ZAN: variants seen among roughly 807,000 people sequenced by gnomAD.
ZAN encodes zonadhesin, also known as zonadhesin (gene/pseudogene).
In ZAN, 260 loss-of-function variants were observed where a neutral mutation model predicts 286.2. The ratio of observed to expected loss-of-function variants is 0.91; its 90% CI spans 0.82 to 1.01. The LOEUF (loss-of-function observed/expected upper bound fraction) is 1.01, where lower values mean the gene tolerates loss of function less well. Ranked by LOEUF, ZAN falls within the 50% of genes least tolerant of loss-of-function variation. ZAN has a pLI of 0.00. For missense variants in ZAN, 3,410 were observed against 3,639.2 expected (o/e 0.94, Z 1.62); for synonymous variants, 1,368 against 1,417.5 (o/e 0.97, Z 0.79).
intron 2 of ZAN, among the ~76,000 whole-genome samples, chr7:100,734,463 C>T (rs1185253444): frequency 1.4e-5 from 2 of 139,064 alleles, no homozygotes; most frequent in Non-Finnish European, 3.2e-5. Context: ...ACTAAAAATA[C>T]AAAAAATTAG....
rs749780554 is a variant in ZAN at position 100,765,365 on chromosome 7, G to C, written c.4281G>C (p.Pro1427=). Residue 1427 remains proline (P), a synonymous_variant, in exon 23 of 48, where the codon CCG becomes CCC. Coordinates refer to ENST00000613979, the MANE Select transcript of ZAN (RefSeq NM_003386.3). Reference sequence around the variant, plus strand: ...TCCCTCCACCAGCAATGGCCTGCCCGCCCAACAGCAAGTACTCCCTGTGTG... The same window carrying C: ...TCCCTCCACCAGCAATGGCCTGCCCCCCCAACAGCAAGTACTCCCTGTGTG... ...REPHFCPMAC[P]PNSKYSLCAK... is the part of the protein sequence containing the mutation. 3.1e-6 allele frequency: 5 copies of C among 1,613,750 alleles called. No homozygotes were observed. The highest frequency in any genetic ancestry group is 2.2e-5 in the East Asian group (1 of 44,862).
chr7:100,744,729 G>A (rs1808064661), intron 7 of ZAN, among the ~76,000 whole-genome samples: 1 of 151,588 alleles, frequency 6.6e-6, no homozygotes, highest in Admixed American at 6.6e-5. Context: ...GCGCCCAGCA[G>A]CTTCAGTAAA....
intron 28 of ZAN, 64 bp downstream of exon 28, chr7:100,770,038 A>G (rs946590864): frequency 1.4e-6 from 2 of 1,460,796 alleles, no homozygotes; most frequent in Non-Finnish European, 1.9e-6. Context: ...GAGGGAGTCT[A>G]GTCAGGGAGG....
At chr7:100,735,273 A>G (rs926490268) in intron 2 of ZAN, among the ~76,000 whole-genome samples, 2 of 139,146 alleles carry the variant, frequency 1.4e-5, no homozygotes, top group African/African-American at 5.3e-5. Context: ...AACAACAACA[A>G]AAAACAGAGG....
chr7:100,738,945 C>T (rs368259011), intron 7 of ZAN, among the ~76,000 whole-genome samples: 6 of 5,412 alleles, frequency 1.1e-3, no homozygotes, highest in Admixed American at 8.2e-3. Context: ...CTCCCTCTCC[C>T]TCTCCCTCTC....
At chr7:100,789,829 CAGCTACTTGGGATGCTGAG>C (rs1811819946) in intron 39 of ZAN, among the ~76,000 whole-genome samples, 1 of 152,046 alleles carries the variant, frequency 6.6e-6, no homozygotes, top group African/African-American at 2.4e-5. Flanking sequence ...CCTGTAATCC[CAGCTACTTGGGATGCTGAG>C]GCAGGAGAAT....
intron 19 of ZAN, 46 bp downstream of exon 19, chr7:100,760,582 CTCTTCCTGCTGCCTCT>C (rs747732067): frequency 1.5e-5 from 24 of 1,601,604 alleles, no homozygotes; most frequent in South Asian, 3.3e-5. Context: ...TTCCTGCTGC[CTCTTCCTGCTGCCTCT>C]TCTTCCTGCT....
Position 100,768,673 on chromosome 7 carries a change from C to A in ZAN, c.5105C>A (p.Ser1702Tyr), listed in dbSNP as rs1481339226. The A allele has an allele frequency of 1.2e-6, 2 of 1,609,598 alleles. No individual in the cohort carries two copies. The highest frequency in any genetic ancestry group is 1.7e-5 in the Admixed American group (1 of 59,390). ...CCCGACAGAAAGCTTGCAGGCGATT[C>A]CATGCAGCTGGGGGCCGCCTGGAAG... ...LRPDRKLAGD[S>Y]MQLGAAWKLP... The change falls in exon 27 of 48, where the codon TCC becomes TAC. Residue 1702 changes from serine (S) to tyrosine (Y), a missense_variant. This residue lies in a region of ZAN where 1,042 missense variants were observed against 1,058.0 expected (regional missense o/e 0.98). Coordinates refer to ENST00000613979, the MANE Select transcript of ZAN (RefSeq NM_003386.3).
At chr7:100,788,407 CT>C (rs1811719323) in intron 38 of ZAN, among the ~76,000 whole-genome samples, 2 of 152,078 alleles carry the variant, frequency 1.3e-5, no homozygotes, top group Admixed American at 1.3e-4. Context: ...TTAAAATGAG[CT>C]GGATATGGGG....
chr7:100,770,046 A>T, intron 28 of ZAN, 72 bp downstream of exon 28: 1 of 1,421,492 alleles, frequency 7.0e-7, no homozygotes, highest in South Asian at 1.3e-5. Context: ...CTAGTCAGGG[A>T]GGGAGAAACA....
intron 36 of ZAN, 75 bp from the exon 37 acceptor site, chr7:100,785,922 G>A (rs2116278180): frequency 4.6e-6 from 7 of 1,520,380 alleles, no homozygotes; most frequent in Middle Eastern, 2.0e-4. Flanking sequence ...GCCTCCCAAA[G>A]TGTTGGGATT....
At chr7:100,735,011 C>T (rs1296818498) in intron 2 of ZAN, among the ~76,000 whole-genome samples, 1 of 138,308 alleles carries the variant, frequency 7.2e-6, no homozygotes, top group Non-Finnish European at 1.6e-5. Flanking sequence ...ATGGTGAAAC[C>T]CTGTCTCTAC....
intron 47 of ZAN, 27 bp from the exon 48 acceptor site, chr7:100,797,680 T>C (rs542017821): frequency 1.2e-6 from 2 of 1,613,996 alleles, no homozygotes; most frequent in Admixed American, 3.3e-5. Context: ...TCTCCTCTCA[T>C]ACATGGTTTT....
chr7:100,749,651 A>AAAT lies in ZAN; in HGVS notation c.1250-973_1250-972insATA, dbSNP rs1360254873. On this transcript the variant is annotated intron_variant, in intron 11 of 47. Transcript: ENST00000613979. ...TGAGACTCCGTCTCAAAAAAAAAAA[A>AAAT]ATATATATATATATATATATATATA... Among the ~76,000 whole-genome samples, 936 of 109,358 alleles carry AAAT rather than the reference A, an allele frequency of 8.6e-3. 14 individuals are homozygous for AAAT. Among genetic ancestry groups the AAAT allele is most frequent in the African/African-American group, 0.019 (513 of 27,640 alleles). The allele number at this position is 109,358 out of a possible 152,430, so 71.7% of individuals were successfully genotyped here.
At chr7:100,796,356 T>C (rs1338777177) in intron 45 of ZAN, among the ~76,000 whole-genome samples, 2 of 151,848 alleles carry the variant, frequency 1.3e-5, no homozygotes. Flanking sequence ...CTTGTGTACA[T>C]GTATATTCCA....
chr7:100,751,784 C>A lies in ZAN; in HGVS notation c.1679C>A (p.Thr560Lys). Reference sequence around the variant, plus strand: ...GGCCCTTCTGAAACCACTGGCCTCACAGAAAACCCTACAATCTCCACCAAG... The same window carrying A: ...GGCCCTTCTGAAACCACTGGCCTCAAAGAAAACCCTACAATCTCCACCAAG... ...STGPSETTGL[T>K]ENPTISTKKP... The change falls in exon 14 of 48, where the codon ACA becomes AAA. Residue 560 changes from threonine (T) to lysine (K), a missense_variant. Thr to Lys is a moderately conservative substitution (Grantham distance 78). Coordinates refer to ENST00000613979, the MANE Select transcript of ZAN (RefSeq NM_003386.3). 6.2e-7 allele frequency: 1 copy of A among 1,612,022 alleles called. No individual in the cohort carries two copies. Among genetic ancestry groups the A allele is most frequent in the East Asian group, 2.2e-5 (1 of 44,882 alleles).
chr7:100,763,765 C>A lies in ZAN; in HGVS notation c.3987-41C>A, dbSNP rs781362471. The A allele has an allele frequency of 2.5e-6, 4 of 1,581,058 alleles. No homozygotes were observed. In the Admixed American group the frequency reaches 6.8e-5, roughly 27 times the overall value. ...TGCTGGGTTAGGGATGAGCTGGAAG[C>A]GAGCTTTGTCTTTAGGGAGTTTGGG... On this transcript the variant is annotated intron_variant, in intron 20 of 47. Transcript: ENST00000613979. This position sits in a 1 kb window ranked among gnomAD's most constrained non-coding sequence, Gnocchi z 4.6.
chr7:100,758,202 C>T lies in ZAN; in HGVS notation c.3310C>T (p.Pro1104Ser). 6.2e-7 allele frequency: 1 copy of T among 1,611,752 alleles called. No individual in the cohort carries two copies. Among genetic ancestry groups the T allele is most frequent in the South Asian group, 1.1e-5 (1 of 90,820 alleles). The change falls in exon 16 of 48, where the codon CCT (proline) becomes TCT (serine). Residue 1104 changes from proline (P) to serine (S), a missense_variant and splice_region_variant. Physicochemically the swap from Pro to Ser is moderately conservative, Grantham distance 74. Coordinates refer to ENST00000613979, the MANE Select transcript of ZAN (RefSeq NM_003386.3). ...NCFYNNDYYEPGAEWFSPNCT... is the reference protein window; with the variant it reads ...NCFYNNDYYESGAEWFSPNCT... ...GTGACCTCACATCCCTTTCTCCCAG[C>T]CTGGGGCAGAGTGGTTCAGCCCCAA...
chr7:100,797,319 C>A, intron 45 of ZAN, 47 bp from the exon 46 acceptor site: 1 of 1,586,246 alleles, frequency 6.3e-7, no homozygotes, highest in Non-Finnish European at 8.6e-7. Context: ...AGTCCCCACC[C>A]TTCCCGTCTC....
Sources: allele counts gnomAD v4.1 joint callset (sites outside exome capture counted in the v4.1 genomes callset), GRCh38; gene constraint gnomAD v4.1.1; regional missense constraint gnomAD v4.1.1; non-coding constraint Gnocchi (gnomAD v3.1); transcripts MANE v1.5; gene names NCBI Gene and HGNC (gene_info 2026-07-23, HGNC 2026-07-21).